ZNF804B: variants seen among roughly 807,000 people sequenced by gnomAD.
The protein encoded by ZNF804B is zinc finger protein 804B, also known as zinc finger 804B.
ZNF804B carries 80 observed loss-of-function variants against 101.4 expected under a neutral mutation model. The ratio of observed to expected loss-of-function variants is 0.79; its 90% CI spans 0.66 to 0.95. The LOEUF is 0.95. Ranked by LOEUF, ZNF804B falls within the 40% of genes least tolerant of loss-of-function variation. The pLI, the probability that ZNF804B is intolerant of heterozygous loss-of-function variation, is 0.00. For missense variants in ZNF804B, 1,673 were observed against 1,561.9 expected (o/e 1.07, Z -1.20); for synonymous variants, 622 against 558.8 (o/e 1.11, Z -1.59).
intron 1 of ZNF804B, among the ~76,000 whole-genome samples, chr7:88,890,149 T>G (rs867629924): frequency 2.0e-5 from 3 of 152,310 alleles, no homozygotes; most frequent in Middle Eastern, 6.8e-3. Context: ...CTATAATTTT[T>G]ATAGAACACA....
intron 2 of ZNF804B, among the ~76,000 whole-genome samples, chr7:89,228,187 G>A (rs1789125041): frequency 6.6e-6 from 1 of 152,114 alleles, no homozygotes; most frequent in South Asian, 2.1e-4. Flanking sequence ...GAGTGAAGCT[G>A]CAGACCTTCG....
At chr7:89,045,284 G>A (rs1789088164) in intron 1 of ZNF804B, among the ~76,000 whole-genome samples, 1 of 152,232 alleles carries the variant, frequency 6.6e-6, no homozygotes, top group African/African-American at 2.4e-5. Context: ...GAAGTCTGCT[G>A]CAGGGGCGGA....
intron 1 of ZNF804B, among the ~76,000 whole-genome samples, chr7:89,103,607 A>G (rs957918382): frequency 2.0e-5 from 3 of 151,778 alleles, no homozygotes; most frequent in Non-Finnish European, 4.4e-5. Context: ...GACTTTCTGT[A>G]TCTTGAGGTC....
At chr7:89,260,234 C>G (rs758107709) in intron 2 of ZNF804B, among the ~76,000 whole-genome samples, 173 of 152,166 alleles carry the variant, frequency 1.1e-3, no homozygotes, top group Non-Finnish European at 1.6e-3. Context: ...TAAGGGCAGT[C>G]CTAATAATAA....
chr7:88,836,392 G>T (rs183925641), intron 1 of ZNF804B, among the ~76,000 whole-genome samples: 1 of 151,776 alleles, frequency 6.6e-6, no homozygotes, highest in African/African-American at 2.4e-5. Flanking sequence ...GATGTGAAAG[G>T]CTTGGACTTA....
chr7:88,839,413 G>A (rs188288453), intron 1 of ZNF804B, among the ~76,000 whole-genome samples: 1 of 151,932 alleles, frequency 6.6e-6, no homozygotes, highest in African/African-American at 2.4e-5. Context: ...ATACCTCCTA[G>A]TTTCCTTAGG....
Position 89,303,155 on chromosome 7 carries a change from A to C in ZNF804B, c.250-24189A>C, listed in dbSNP as rs34079961. Among the ~76,000 whole-genome samples the C allele has an allele frequency of 9.1e-3, 1,380 of 151,952 alleles. 9 individuals are homozygous for C. Among genetic ancestry groups the C allele is most frequent in the Admixed American group, 0.013 (195 of 15,196 alleles). Reference sequence around the variant, plus strand: ...TTGAGATCTTCTTCTAGTAAATAATAGCTTCTTTGAAGCTGTGTTGTATTC... The same window carrying C: ...TTGAGATCTTCTTCTAGTAAATAATCGCTTCTTTGAAGCTGTGTTGTATTC... On this transcript the variant is annotated intron_variant, in intron 2 of 3. Transcript: ENST00000333190.
At chr7:88,842,347 C>G (rs1791302636) in intron 1 of ZNF804B, among the ~76,000 whole-genome samples, 1 of 152,158 alleles carries the variant, frequency 6.6e-6, no homozygotes, top group Admixed American at 6.5e-5. Context: ...ATTACAGAAA[C>G]CAGCTCTCCC....
intron 1 of ZNF804B, among the ~76,000 whole-genome samples, chr7:88,798,096 C>T (rs894258977): frequency 6.6e-6 from 1 of 151,956 alleles, no homozygotes; most frequent in Non-Finnish European, 1.5e-5. Flanking sequence ...GTATCAGAAC[C>T]TTGATGGCTT....
intron 1 of ZNF804B, among the ~76,000 whole-genome samples, chr7:88,908,694 A>G (rs938530072): frequency 6.6e-6 from 1 of 151,778 alleles, no homozygotes; most frequent in Non-Finnish European, 1.5e-5. Flanking sequence ...TTTTAGAAGA[A>G]GGGGAACATT....
chr7:89,076,447 A>G (rs1401355540), intron 1 of ZNF804B, among the ~76,000 whole-genome samples: 1 of 152,142 alleles, frequency 6.6e-6, no homozygotes, highest in Non-Finnish European at 1.5e-5. Flanking sequence ...GCCTTCTGCC[A>G]TGATTCTGAG....
Position 88,880,050 on chromosome 7 carries a change from G to GAA in ZNF804B, c.108+119976_108+119977dup, listed in dbSNP as rs35762260. Among the ~76,000 whole-genome samples, 494 of 145,082 alleles carry GAA rather than the reference G, an allele frequency of 3.4e-3. 1 individual carries two copies. Among genetic ancestry groups the GAA allele is most frequent in the African/African-American group, 7.2e-3 (292 of 40,288 alleles). ...TACACAGCGAGACTGTCTTAAAAAA[G>GAA]AAAAAAAAAAACCACTTATCTGGGG... On this transcript the variant is annotated intron_variant, in intron 1 of 3. Coordinates refer to ENST00000333190, the MANE Select transcript of ZNF804B (RefSeq NM_181646.5).
At chr7:88,962,946 C>T (rs1284390919) in intron 1 of ZNF804B, among the ~76,000 whole-genome samples, 1 of 150,340 alleles carries the variant, frequency 6.7e-6, no homozygotes, top group Non-Finnish European at 1.5e-5. Flanking sequence ...GAAAAATACC[C>T]TAGACAATTA....
intron 2 of ZNF804B, among the ~76,000 whole-genome samples, chr7:89,324,557 T>G (rs141185497): frequency 6.6e-6 from 1 of 150,754 alleles, no homozygotes; most frequent in Admixed American, 6.6e-5. Flanking sequence ...AAATTTTATT[T>G]ATTATCTTGT....
At chr7:88,859,672 A>G (rs1042748897) in intron 1 of ZNF804B, among the ~76,000 whole-genome samples, 1 of 151,956 alleles carries the variant, frequency 6.6e-6, no homozygotes, top group South Asian at 2.1e-4. Flanking sequence ...TAGGACAGAA[A>G]TGCTTTCCAT....
At chr7:88,895,808 G>A (rs1792275116) in intron 1 of ZNF804B, among the ~76,000 whole-genome samples, 1 of 152,038 alleles carries the variant, frequency 6.6e-6, no homozygotes, top group Non-Finnish European at 1.5e-5. Context: ...AAACTGTATT[G>A]GATTATAACC....
At chr7:88,850,565 G>C (rs1791437458) in intron 1 of ZNF804B, among the ~76,000 whole-genome samples, 1 of 152,126 alleles carries the variant, frequency 6.6e-6, no homozygotes, top group African/African-American at 2.4e-5. Flanking sequence ...ACAGGGGACA[G>C]TTCTCAGAAA....
intron 1 of ZNF804B, among the ~76,000 whole-genome samples, chr7:89,196,075 A>C (rs528885960): frequency 5.5e-4 from 84 of 152,180 alleles, no homozygotes; most frequent in African/African-American, 1.9e-3. Flanking sequence ...TATGGAACCA[A>C]AAAAAGAGCC....
At chr7:89,214,381 A>C (rs1788853682) in intron 1 of ZNF804B, among the ~76,000 whole-genome samples, 1 of 152,180 alleles carries the variant, frequency 6.6e-6, no homozygotes, top group African/African-American at 2.4e-5. Context: ...TGAATTCATT[A>C]TATATCAAAT....
Sources: gnomAD v4.1 joint callset for allele counts (sites outside exome capture counted in the v4.1 genomes callset) on GRCh38, gnomAD v4.1.1 for gene constraint, MANE v1.5 for transcripts, NCBI Gene and HGNC (gene_info 2026-07-23, HGNC 2026-07-21) for gene names.